MIB1: variants seen among roughly 807,000 people sequenced by gnomAD.
MIB1 encodes E3 ubiquitin-protein ligase MIB1.
Under a neutral mutation model 124.5 loss-of-function variants are expected in MIB1, and 278 were observed. The observed-to-expected ratio is 2.23, with a 90% CI of 2.02 to 2.47. The LOEUF is 2.47. Among genes scored for constraint, MIB1 ranks in the 30% most tolerant of loss-of-function variants. The pLI is 0.00. For synonymous variants in MIB1, 446 were observed against 429.4 expected, an observed-to-expected ratio of 1.04 and a Z score of -0.48; for missense variants, 957 against 1,254.4, an observed-to-expected ratio of 0.76 and a Z score of 3.58.
At chr18:21,856,271 C>G (rs1450353137) in intron 18 of MIB1, among the ~76,000 whole-genome samples, 1 of 125,896 alleles carries the variant, frequency 7.9e-6, no homozygotes, top group Non-Finnish European at 1.7e-5. Flanking sequence ...CAAAACAAAA[C>G]AAAAAAAAAA....
chr18:21,793,508 G>A (rs964743636), intron 7 of MIB1, among the ~76,000 whole-genome samples: 7 of 152,146 alleles, frequency 4.6e-5, no homozygotes, highest in African/African-American at 1.2e-4. Context: ...CAGGCCAGAC[G>A]TGGTGGCTCA....
intron 20 of MIB1, 102 bp downstream of exon 20, chr18:21,858,748 A>G (rs965474645): frequency 2.2e-5 from 14 of 639,058 alleles, no homozygotes; most frequent in African/African-American, 2.0e-4. Flanking sequence ...ATATTAGTGT[A>G]TCACTTGTAT....
chr18:21,839,768 C>T (rs867904490), intron 13 of MIB1, among the ~76,000 whole-genome samples: 6 of 152,322 alleles, frequency 3.9e-5, no homozygotes, highest in African/African-American at 1.2e-4. Context: ...TCCCAAAGTG[C>T]CACCATGCCT....
intron 10 of MIB1, among the ~76,000 whole-genome samples, chr18:21,807,140 A>G (rs2041718195): frequency 1.3e-5 from 2 of 152,244 alleles, no homozygotes; most frequent in Non-Finnish European, 2.9e-5. Flanking sequence ...GAGTTAAAAT[A>G]TAAATATCGG....
chr18:21,708,757 G>A (rs1233409416), intron 1 of MIB1, among the ~76,000 whole-genome samples: 1 of 152,188 alleles, frequency 6.6e-6, no homozygotes, highest in Non-Finnish European at 1.5e-5. Flanking sequence ...CTTCTTGGGT[G>A]ATTACAGGGC....
rs1198166517 is a variant in MIB1, at chr18:21,864,693, C to T, written c.*27C>T. On this transcript the variant is annotated 3_prime_UTR_variant, in exon 21 of 21. Transcript: ENST00000261537. Reference sequence around the variant, plus strand: ...TAAGACACATGGTGTATTTTGTTAGCTAATGTATCTAGTCATGAGATCTTA... The same window carrying T: ...TAAGACACATGGTGTATTTTGTTAGTTAATGTATCTAGTCATGAGATCTTA... The T allele has an allele frequency of 1.3e-6, 2 of 1,582,610 alleles. No homozygotes were observed. Among genetic ancestry groups the T allele is most frequent in the Admixed American group, 1.7e-5 (1 of 59,664 alleles).
At position 21,828,795 on chromosome 18, in the gene MIB1, T is replaced by C. The variant is rs983988710; in HGVS notation, c.1829+9149T>C. ...AAGGAGTTTCATGATAATTGAAATC[T>C]ACTTCACTGGATCTTCTTTTCCTTC... On this transcript the variant is annotated intron_variant, in intron 12 of 20. Transcript: ENST00000261537. The C allele has an allele frequency of 7.9e-5, 15 of 190,270 alleles. No individual in the cohort carries two copies. In the East Asian group the frequency reaches 1.0e-3, roughly 13 times the overall value. 11.8% of individuals were successfully genotyped at this position (190,270 alleles called of 1,614,324 possible). A position where few individuals can be genotyped will look rare whatever the true frequency, so the allele number is the denominator to read the frequency against.
At chr18:21,860,631 A>G (rs1370505991) in intron 20 of MIB1, among the ~76,000 whole-genome samples, 5 of 152,178 alleles carry the variant, frequency 3.3e-5, no homozygotes, top group Non-Finnish European at 7.4e-5. Context: ...CAGTATTGCC[A>G]TGCAGTTGTT....
At chr18:21,834,880 T>C (rs895349080) in intron 12 of MIB1, among the ~76,000 whole-genome samples, 1 of 152,208 alleles carries the variant, frequency 6.6e-6, no homozygotes, top group African/African-American at 2.4e-5. Flanking sequence ...CGCTTCAACA[T>C]TGGTTTATTG....
intron 18 of MIB1, among the ~76,000 whole-genome samples, chr18:21,854,479 A>T (rs2042208704): frequency 6.6e-6 from 1 of 152,128 alleles, no homozygotes; most frequent in Non-Finnish European, 1.5e-5. Context: ...CACCAAAGTG[A>T]TACCTACATG....
At chr18:21,848,073 T>C (rs1317782290) in intron 16 of MIB1, among the ~76,000 whole-genome samples, 2 of 152,186 alleles carry the variant, frequency 1.3e-5, no homozygotes, top group Non-Finnish European at 2.9e-5. Flanking sequence ...TTGGAATCTG[T>C]GCATAGAACT....
At chr18:21,838,331 G>A (rs963004921) in intron 12 of MIB1, 34 bp from the exon 13 acceptor site, 1 of 1,469,264 alleles carries the variant, frequency 6.8e-7, no homozygotes, top group Non-Finnish European at 9.2e-7. Flanking sequence ...ATCAAATTAT[G>A]CAAATATAGA....
chr18:21,750,102 C>T (rs895817162), intron 1 of MIB1, among the ~76,000 whole-genome samples: 1 of 151,550 alleles, frequency 6.6e-6, no homozygotes, highest in Admixed American at 6.6e-5. Flanking sequence ...AAAAACTAAA[C>T]AGTCTCTTTA....
chr18:21,763,920 A>AT (rs2041126892), intron 1 of MIB1, among the ~76,000 whole-genome samples: 2 of 151,716 alleles, frequency 1.3e-5, no homozygotes, highest in South Asian at 4.2e-4. Flanking sequence ...AGCAGGAGTG[A>AT]TTTTTTATTT....
At chr18:21,864,430 G>A (rs1023165545) in intron 20 of MIB1, 96 bp from the exon 21 acceptor site, 2 of 984,016 alleles carry the variant, frequency 2.0e-6, no homozygotes, top group South Asian at 1.9e-5. Flanking sequence ...AATATTATTT[G>A]ACTAAAACAA....
chr18:21,844,135 AT>A lies in MIB1; in HGVS notation c.2094del (p.Asp698GlufsTer10). The A allele has an allele frequency of 1.2e-6, 2 of 1,613,994 alleles. No homozygotes were observed. Among genetic ancestry groups the A allele is most frequent in the Non-Finnish European group, 1.7e-6 (2 of 1,180,012 alleles). On this transcript the variant is annotated frameshift_variant, in exon 15 of 21. Transcript: ENST00000261537. LOFTEE classifies it high-confidence loss of function. ...GCCAAGCTTGATATTCAGGATAAGG[AT>A]GGGGATACTCCTTTGCATGAAGCTC... ...AGAKLDIQDK[D>X]GDTPLHEALR... is the part of the protein sequence containing the mutation.
intron 12 of MIB1, among the ~76,000 whole-genome samples, chr18:21,834,750 G>A (rs554317484): frequency 6.6e-6 from 1 of 152,102 alleles, no homozygotes; most frequent in East Asian, 1.9e-4. Context: ...CTGGGAAACT[G>A]TCACAACCAA....
chr18:21,727,681 T>G (rs1373472192), intron 1 of MIB1, among the ~76,000 whole-genome samples: 1 of 152,100 alleles, frequency 6.6e-6, no homozygotes, highest in Non-Finnish European at 1.5e-5. Flanking sequence ...AGGGGATAGC[T>G]TAAGCCAGGG....
chr18:21,837,055 T>C (rs2042039897), intron 12 of MIB1, among the ~76,000 whole-genome samples: 1 of 152,190 alleles, frequency 6.6e-6, no homozygotes, highest in African/African-American at 2.4e-5. Context: ...ATTGTATTAA[T>C]AGGTAAAGAT....
Sources: allele counts gnomAD v4.1 joint callset (sites outside exome capture counted in the v4.1 genomes callset), GRCh38; gene constraint gnomAD v4.1.1; transcripts MANE v1.5; gene names NCBI Gene and HGNC (gene_info 2026-07-23, HGNC 2026-07-21).